The following ABCA9 variants were observed in gnomAD, a reference collection of about 807,000 sequenced individuals.
ABCA9 encodes ATP binding cassette subfamily A member 9.
Under a neutral mutation model 205.3 loss-of-function variants are expected in ABCA9, and 183 were observed. The ratio of observed to expected loss-of-function variants is 0.89; its 90% CI spans 0.79 to 1.01. The LOEUF is 1.01. Among genes scored for constraint, ABCA9 ranks in the 50% least tolerant of loss-of-function variants. The pLI, the probability that ABCA9 is intolerant of heterozygous loss-of-function variation, is 0.00. For synonymous variants in ABCA9, 651 were observed against 683.3 expected, an observed-to-expected ratio of 0.95 and a Z score of 0.74; for missense variants, 1,805 against 1,912.4, an observed-to-expected ratio of 0.94 and a Z score of 1.05.
In ABCA9 at chr17:69,018,523, T is replaced by G. The variant is rs1226918966; in HGVS notation, c.2657A>C (p.Glu886Ala). 2 of 1,607,966 alleles carry G rather than the reference T, an allele frequency of 1.2e-6. No individual in the cohort carries two copies. The highest frequency in any genetic ancestry group is 2.7e-5 in the African/African-American group (2 of 74,510). The change falls in exon 20 of 39, where the codon GAG becomes GCG. Residue 886 changes from glutamate (E) to alanine (A), a missense_variant. Transcript: ENST00000340001. ...CCACGGGTAACTTTTCTGATATGAC[T>G]CGTAGAATAGATGTTCCAAAAGTTG... ...IPQLLEHLFYESYQKSYPWEL... is the reference protein window; with the variant it reads ...IPQLLEHLFYASYQKSYPWEL...
At position 69,012,033 on chromosome 17, in the gene ABCA9, T is replaced by C; in HGVS notation, c.3090A>G (p.Ile1030Met). The C allele has an allele frequency of 6.2e-7, 1 of 1,613,394 alleles. No homozygotes were observed. The highest frequency in any genetic ancestry group is 8.5e-7 in the Non-Finnish European group (1 of 1,179,610). The stretch of plus-strand genomic sequence containing the variant: ...ATGGAGTGAAAGAGGCTGCCATCGG[T>C]ATCCAGAAGAAGGTGTTACTTCGGT... ...YGYRSNTFFW[I>M]PMAASFTPYI... Residue 1030 changes from isoleucine (I) to methionine (M), a missense_variant, in exon 23 of 39, where the codon ATA becomes ATG. Ile to Met is a conservative substitution (Grantham distance 10). Transcript: ENST00000340001.
At position 69,008,191 on chromosome 17, in the gene ABCA9, A is replaced by G; in HGVS notation, c.3192T>C (p.Ser1064=). 6.2e-7 allele frequency: 1 copy of G among 1,614,160 alleles called. No individual in the cohort carries two copies. Among genetic ancestry groups the G allele is most frequent in the Non-Finnish European group, 8.5e-7 (1 of 1,180,002 alleles). Residue 1064 remains serine (S), a synonymous_variant, in exon 24 of 39, where the codon TCT becomes TCC. Coordinates refer to ENST00000340001, the MANE Select transcript of ABCA9 (RefSeq NM_080283.4). ...CCAGTGCTTGGCCAAACCAGTATGC[A>G]GAAGGGTAGAGGCCTGAAATCCGTA... is the stretch of plus-strand genomic sequence containing the variant. The part of the protein sequence containing the change: ...SQLRISGLYP[S]AYWFGQALVD...
the ABCA9 span, among the ~76,000 whole-genome samples, chr17:69,067,532 G>A: frequency 6.7e-6 from 1 of 149,342 alleles, no homozygotes; most frequent in African/African-American, 2.5e-5. Flanking sequence ...TTCCAGCCTG[G>A]GCAACAGAGT....
At position 69,051,256 on chromosome 17, in the gene ABCA9, G is replaced by GA. The variant is rs536751290; in HGVS notation, c.-13-118dup. On this transcript the variant is annotated intron_variant, in intron 1 of 38. Coordinates refer to ENST00000340001, the MANE Select transcript of ABCA9 (RefSeq NM_080283.4). Reference sequence around the variant, plus strand: ...TGTTTCCAGTTGCATTCCTGGAGAAGAAGAAAGCCAAAAGGCTAAAATAAA... The same window carrying GA: ...TGTTTCCAGTTGCATTCCTGGAGAAGAAAGAAAGCCAAAAGGCTAAAATAAA... The GA allele has an allele frequency of 9.4e-4, 780 of 825,532 alleles. 5 individuals carry two copies. Among genetic ancestry groups the GA allele is most frequent in the East Asian group, 1.7e-3 (61 of 36,318 alleles). 51.1% of individuals were successfully genotyped at this position (825,532 alleles called of 1,614,324 possible).
chr17:69,018,260 G>A (rs914631797), intron 20 of ABCA9, 153 bp downstream of exon 20: 20 of 627,604 alleles, frequency 3.2e-5, no homozygotes, highest in African/African-American at 5.8e-5. Context: ...CTCCCATGTC[G>A]TATTTTTCAT....
rs139923115 is a variant in ABCA9 at position 69,005,142 on chromosome 17, G to A, written c.3435+2617C>T. ...TGTTCCTATTCGGCCATCTTGGCTCGTCCCTCCTGGCTTATCTTTTTCTCT... is the reference window on the plus strand; with the variant it reads ...TGTTCCTATTCGGCCATCTTGGCTCATCCCTCCTGGCTTATCTTTTTCTCT... On this transcript the variant is annotated intron_variant, in intron 25 of 38. Transcript: ENST00000340001. Among the ~76,000 whole-genome samples the A allele has an allele frequency of 2.2e-3, 338 of 152,194 alleles. 1 individual carries two copies. The highest frequency in any genetic ancestry group is 5.4e-3 in the Admixed American group (83 of 15,280).
chr17:69,014,031 C>G (rs1306280611), intron 22 of ABCA9, among the ~76,000 whole-genome samples: 2 of 152,132 alleles, frequency 1.3e-5, no homozygotes, highest in Admixed American at 6.6e-5. Flanking sequence ...CTTGCTCATT[C>G]TTGGGAACAT....
At chr17:68,986,421 A>G in intron 31 of ABCA9, 97 bp from the exon 32 acceptor site, 1 of 1,227,790 alleles carries the variant, frequency 8.1e-7, no homozygotes, top group South Asian at 1.8e-5. Context: ...CTCTTCACAC[A>G]CACAGGTGCT....
chr17:68,984,254 A>G (rs2069159714), intron 34 of ABCA9, 79 bp from the exon 35 acceptor site: 1 of 1,566,728 alleles, frequency 6.4e-7, no homozygotes, highest in Non-Finnish European at 8.7e-7. Context: ...GTTTCCATCG[A>G]CGCAAAGATG....
At chr17:68,990,154 G>T (rs2069400442) in intron 29 of ABCA9, among the ~76,000 whole-genome samples, 1 of 152,206 alleles carries the variant, frequency 6.6e-6, no homozygotes, top group African/African-American at 2.4e-5. Flanking sequence ...CAGGAATAGA[G>T]ACAGTCACTG....
the ABCA9 span, among the ~76,000 whole-genome samples, chr17:69,078,393 T>G: frequency 6.6e-6 from 1 of 152,124 alleles, no homozygotes; most frequent in African/African-American, 2.4e-5. Context: ...GAGATGGAGT[T>G]TCACCATATT....
chr17:68,988,933 C>T, intron 31 of ABCA9, 94 bp downstream of exon 31: 1 of 747,518 alleles, frequency 1.3e-6, no homozygotes, highest in South Asian at 2.0e-5. Flanking sequence ...ATAAATCACA[C>T]TAAGTGATTA....
chr17:69,077,254 A>G, the ABCA9 span, among the ~76,000 whole-genome samples: 1 of 152,046 alleles, frequency 6.6e-6, no homozygotes, highest in Non-Finnish European at 1.5e-5. Flanking sequence ...TTTCTGCCTT[A>G]ATTTCATCAT....
At chr17:69,044,308 G>GA (rs1342315375) in intron 5 of ABCA9, among the ~76,000 whole-genome samples, 189 bp downstream of exon 5, 2 of 152,118 alleles carry the variant, frequency 1.3e-5, no homozygotes, top group Non-Finnish European at 2.9e-5. Context: ...TATCCCTGGA[G>GA]AAAAATGCCT....
chr17:69,078,529 A>T, the ABCA9 span, among the ~76,000 whole-genome samples: 1 of 152,080 alleles, frequency 6.6e-6, no homozygotes, highest in African/African-American at 2.4e-5. Context: ...AATTTCTGGA[A>T]CACTTTCAGA....
intron 20 of ABCA9, chr17:69,017,990 G>T: frequency 2.0e-6 from 1 of 511,724 alleles, no homozygotes; most frequent in South Asian, 3.5e-5. Context: ...CTAGAGCCTA[G>T]GCATTTCATT....
In ABCA9 at chr17:69,026,389, C is replaced by T; in HGVS notation, c.2129G>A (p.Gly710Asp). The change falls in exon 16 of 39, where the codon GGC becomes GAC. Residue 710 changes from glycine to aspartate, a missense_variant. Transcript: ENST00000340001. The stretch of plus-strand genomic sequence containing the variant: ...TTCAGGGCTGTACCTTAAATGGTAG[C>T]CTATGCCCCATTTCTTCTTAAGGAA... Reference protein sequence around the residue: ...SLFLKKKWGIGYHLSLHLNER... With the variant: ...SLFLKKKWGIDYHLSLHLNER... 6.2e-7 allele frequency: 1 copy of T among 1,613,256 alleles called. No homozygotes were observed. The highest frequency in any genetic ancestry group is 8.5e-7 in the Non-Finnish European group (1 of 1,179,344).
intron 1 of ABCA9, chr17:69,051,709 C>T (rs1397106153): frequency 6.6e-6 from 1 of 152,292 alleles, no homozygotes; most frequent in African/African-American, 2.4e-5. Flanking sequence ...TTCAGGAGCA[C>T]TGGATTGGCA....
chr17:69,065,296 T>C (rs1374335002), upstream of ABCA9, among the ~76,000 whole-genome samples: 1 of 152,232 alleles, frequency 6.6e-6, no homozygotes, highest in Non-Finnish European at 1.5e-5. Context: ...GGAAGTTTAT[T>C]AGATATTGAG....
Sources: gnomAD v4.1 joint callset for allele counts (sites outside exome capture counted in the v4.1 genomes callset) on GRCh38, gnomAD v4.1.1 for gene constraint, MANE v1.5 for transcripts, NCBI Gene and HGNC (gene_info 2026-07-23, HGNC 2026-07-21) for gene names.